The following SNX6 variants were observed in gnomAD, a reference collection of about 807,000 sequenced individuals.
The protein encoded by SNX6 is sorting nexin-6.
In SNX6, 34 loss-of-function variants were observed where a neutral mutation model predicts 63.0. That is an observed-to-expected ratio of 0.54 (90% confidence interval 0.41 to 0.72). The LOEUF is 0.72. Among genes scored for constraint, SNX6 ranks in the 30% least tolerant of loss-of-function variants. The pLI, the probability that SNX6 is intolerant of heterozygous loss-of-function variation, is 0.00. For missense variants in SNX6, 398 were observed against 471.4 expected (o/e 0.84, Z 1.44); for synonymous variants, 170 against 164.2 (o/e 1.04, Z -0.27).
At chr14:34,612,262 T>C (rs1003336806) in intron 2 of SNX6, among the ~76,000 whole-genome samples, 1 of 152,006 alleles carries the variant, frequency 6.6e-6, no homozygotes, top group Non-Finnish European at 1.5e-5. Flanking sequence ...AAGATGTTTA[T>C]TGTGGTAGGC....
At chr14:34,616,508 T>C (rs1011342727) in intron 2 of SNX6, among the ~76,000 whole-genome samples, 5 of 152,100 alleles carry the variant, frequency 3.3e-5, no homozygotes, top group East Asian at 1.9e-4. Context: ...TAGCTGGGAC[T>C]ACAGGCACAC....
chr14:34,623,548 A>C (rs1883707195), intron 2 of SNX6, among the ~76,000 whole-genome samples: 1 of 152,234 alleles, frequency 6.6e-6, no homozygotes, highest in Non-Finnish European at 1.5e-5. Flanking sequence ...AGAAAGACTA[A>C]AGACAGAGAC....
intron 2 of SNX6, among the ~76,000 whole-genome samples, chr14:34,616,970 T>C (rs543994819): frequency 2.0e-5 from 3 of 152,124 alleles, no homozygotes; most frequent in African/African-American, 4.8e-5. Flanking sequence ...TAATCCCAGC[T>C]ACTCAGGAGG....
At chr14:34,593,961 G>A (rs1298996368) in intron 7 of SNX6, among the ~76,000 whole-genome samples, 2 of 151,574 alleles carry the variant, frequency 1.3e-5, no homozygotes, top group African/African-American at 2.4e-5. Flanking sequence ...AGTGATCCGC[G>A]CGCCTCGGCC....
intron 10 of SNX6, among the ~76,000 whole-genome samples, chr14:34,578,936 TCAAAAAAAA>T (rs1403787496): frequency 3.2e-4 from 1 of 3,116 alleles, no homozygotes; most frequent in Admixed American, 0.013. Flanking sequence ...AGACTTCATC[TCAAAAAAAA>T]AAAAAAAAAA....
intron 2 of SNX6, among the ~76,000 whole-genome samples, chr14:34,622,636 C>T (rs1464434101): frequency 4.0e-5 from 6 of 149,994 alleles, no homozygotes; most frequent in Non-Finnish European, 7.4e-5. Flanking sequence ...CTATGCACTA[C>T]ATACTCTGTA....
intron 2 of SNX6, among the ~76,000 whole-genome samples, chr14:34,618,467 CA>C (rs769107744): frequency 2.6e-5 from 4 of 152,170 alleles, no homozygotes; most frequent in Non-Finnish European, 5.9e-5. Flanking sequence ...TCTCCTGCCT[CA>C]GCCTCCCTAG....
At chr14:34,600,382 T>A (rs1207054395) in intron 6 of SNX6, among the ~76,000 whole-genome samples, 1 of 151,804 alleles carries the variant, frequency 6.6e-6, no homozygotes, top group Non-Finnish European at 1.5e-5. Context: ...TGCCTTGGCC[T>A]CCCAAGTGTT....
chr14:34,590,842 GAAAT>G (rs1018871216), intron 8 of SNX6, among the ~76,000 whole-genome samples: 1 of 152,098 alleles, frequency 6.6e-6, no homozygotes, highest in African/African-American at 2.4e-5. Flanking sequence ...GCCAAAGCTA[GAAAT>G]AAATAATTGT....
chr14:34,615,063 TTC>T (rs1237417812), intron 2 of SNX6, among the ~76,000 whole-genome samples: 2 of 152,184 alleles, frequency 1.3e-5, no homozygotes, highest in Non-Finnish European at 2.9e-5. Context: ...ATTAAAACAG[TTC>T]TTTCTCTTCC....
rs1342124310 is a variant in SNX6, at chr14:34,611,686, G to A, written c.55-1944C>T. ...AGTCCCAGCTACTTGGGAGGCGGAG[G>A]TTGCGCTGAGCAGAGATTGTGCCAC... On this transcript the variant is annotated intron_variant, in intron 2 of 13. Transcript: ENST00000362031. 4.8e-5 allele frequency among the ~76,000 whole-genome samples: 7 copies of A among 145,178 alleles called. No homozygotes were observed. The East Asian group carries it at 1.3e-3, about 26-fold the overall frequency.
Position 34,563,387 on chromosome 14 carries a change from T to A in SNX6, c.1168-212A>T, listed in dbSNP as rs12887374. Among the ~76,000 whole-genome samples the A allele has an allele frequency of 1.9e-3, 288 of 151,952 alleles. 2 individuals carry two copies. Among genetic ancestry groups the A allele is most frequent in the African/African-American group, 6.6e-3 (275 of 41,446 alleles). ...TCCTGGCTAACACAGTGAAACCCCA[T>A]CTCTACTAAAAAATACAAAAAATTA... On this transcript the variant is annotated intron_variant, in intron 13 of 13. Coordinates refer to ENST00000362031, the MANE Select transcript of SNX6 (RefSeq NM_152233.4).
At chr14:34,603,253 T>C in intron 6 of SNX6, 95 bp downstream of exon 6, 2 of 1,264,100 alleles carry the variant, frequency 1.6e-6, no homozygotes, top group East Asian at 2.7e-5. Flanking sequence ...GCCACTGTAC[T>C]CCAGCCTGGA....
chr14:34,593,589 T>C (rs1882485522), intron 7 of SNX6, among the ~76,000 whole-genome samples: 1 of 150,958 alleles, frequency 6.6e-6, no homozygotes, highest in Non-Finnish European at 1.5e-5. Flanking sequence ...TTTTTTTTTT[T>C]TTAGGCAAAG....
chr14:34,609,928 T>G (rs1446016882), intron 2 of SNX6, among the ~76,000 whole-genome samples, 186 bp from the exon 3 acceptor site: 1 of 152,216 alleles, frequency 6.6e-6, no homozygotes, highest in Non-Finnish European at 1.5e-5. Context: ...CGCTATTACC[T>G]TAATTCTATA....
At chr14:34,625,641 A>G (rs905147370) in intron 2 of SNX6, among the ~76,000 whole-genome samples, 3 of 152,144 alleles carry the variant, frequency 2.0e-5, no homozygotes, top group African/African-American at 7.2e-5. Context: ...AGGCTGAGAC[A>G]GGAGAATCAC....
intron 5 of SNX6, chr14:34,604,415 G>C: frequency 1.8e-6 from 1 of 546,812 alleles, no homozygotes. Context: ...TTGCAACTAA[G>C]ACCTGCTTTG....
intron 6 of SNX6, among the ~76,000 whole-genome samples, chr14:34,599,733 C>G (rs1187598973): frequency 6.7e-6 from 1 of 148,670 alleles, no homozygotes; most frequent in Admixed American, 6.8e-5. Flanking sequence ...GAGATCACAC[C>G]ACTGTACTCC....
At chr14:34,590,796 A>T (rs367608499) in intron 8 of SNX6, among the ~76,000 whole-genome samples, 1 of 152,236 alleles carries the variant, frequency 6.6e-6, no homozygotes, top group East Asian at 1.9e-4. Flanking sequence ...ACAAAAAGTT[A>T]TATAGAAATG....
Sources: gnomAD v4.1 joint callset for allele counts (sites outside exome capture counted in the v4.1 genomes callset) on GRCh38, gnomAD v4.1.1 for gene constraint, MANE v1.5 for transcripts, NCBI Gene and HGNC (gene_info 2026-07-23, HGNC 2026-07-21) for gene names.